The following CACHD1 variants were observed in gnomAD, a reference collection of about 807,000 sequenced individuals.
CACHD1 encodes cache domain containing 1.
CACHD1 carries 71 observed loss-of-function variants against 138.7 expected under a neutral mutation model. The ratio of observed to expected loss-of-function variants is 0.51; its 90% CI spans 0.42 to 0.62. The LOEUF (loss-of-function observed/expected upper bound fraction) is 0.62. Among genes scored for constraint, CACHD1 ranks in the 20% least tolerant of loss-of-function variants. The pLI is 0.00. For synonymous variants in CACHD1, 578 were observed against 591.5 expected (o/e 0.98, Z 0.33); for missense variants, 1,389 against 1,625.3 (o/e 0.85, Z 2.50).
Position 64,681,872 on chromosome 1 carries a change from TA to T in CACHD1, c.3485-127del, listed in dbSNP as rs1650202923. ...CAGCACCCCAATCCCCAGAATTGTT[TA>T]AAAAATGATTTATTCTGGCTTTCCA... On this transcript the variant is annotated intron_variant, in intron 25 of 26. Coordinates refer to ENST00000651257, the MANE Select transcript of CACHD1 (RefSeq NM_020925.4). 6.5e-6 allele frequency: 5 copies of T among 767,206 alleles called. No individual in the cohort carries two copies. The Admixed American group carries it at 1.2e-4, about 19-fold the overall frequency. The allele number at this position is 767,206 out of a possible 1,614,324, so 47.5% of individuals were successfully genotyped here.
At chr1:64,570,549 C>T (rs1245352157) in intron 2 of CACHD1, among the ~76,000 whole-genome samples, 2 of 152,158 alleles carry the variant, frequency 1.3e-5, no homozygotes, top group African/African-American at 4.8e-5. Flanking sequence ...TGCAGCCAAA[C>T]AGCCAATAGA....
intron 8 of CACHD1, among the ~76,000 whole-genome samples, chr1:64,643,558 C>T (rs1447131130): frequency 1.3e-5 from 2 of 152,146 alleles, no homozygotes; most frequent in African/African-American, 2.4e-5. Flanking sequence ...CCTCAAAGAC[C>T]GAGCTCGGTG....
At chr1:64,673,529 C>T in intron 19 of CACHD1, 65 bp downstream of exon 19, 1 of 1,243,528 alleles carries the variant, frequency 8.0e-7, no homozygotes, top group South Asian at 1.2e-5. Context: ...GAATTGGAAT[C>T]ATGGCTAGTG....
intron 1 of CACHD1, among the ~76,000 whole-genome samples, chr1:64,542,778 G>T (rs1370941427): frequency 6.6e-6 from 1 of 152,130 alleles, no homozygotes; most frequent in African/African-American, 2.4e-5. Context: ...GACAGGCTTT[G>T]TATTCAGACT....
At chr1:64,605,315 G>A (rs927417649) in intron 4 of CACHD1, among the ~76,000 whole-genome samples, 1 of 152,120 alleles carries the variant, frequency 6.6e-6, no homozygotes. Context: ...TTAAATATTA[G>A]TGTGTATTTA....
At chr1:64,652,788 C>G (rs1253052266) in intron 10 of CACHD1, among the ~76,000 whole-genome samples, 1 of 152,140 alleles carries the variant, frequency 6.6e-6, no homozygotes, top group Non-Finnish European at 1.5e-5. Flanking sequence ...CTTGAATACT[C>G]TTAGTGGGAA....
At chr1:64,550,537 C>G (rs1646750808) in intron 1 of CACHD1, 57 bp from the exon 2 acceptor site, 2 of 1,218,582 alleles carry the variant, frequency 1.6e-6, no homozygotes, top group Admixed American at 1.7e-5. Flanking sequence ...CACATACACA[C>G]TCATGTAGAA....
chr1:64,658,489 C>T (rs1649336913), intron 12 of CACHD1, among the ~76,000 whole-genome samples: 1 of 152,198 alleles, frequency 6.6e-6, no homozygotes, highest in African/African-American at 2.4e-5. Flanking sequence ...CTGTTACATA[C>T]TTCAGGTCTC....
At chr1:64,679,856 CTTTCAGCTT>C in intron 24 of CACHD1, 100 bp downstream of exon 24, 1 of 1,319,152 alleles carries the variant, frequency 7.6e-7, no homozygotes, top group Non-Finnish European at 1.0e-6. Flanking sequence ...CAGTGCTATA[CTTTCAGCTT>C]CTGTGGAGTC....
intron 8 of CACHD1, among the ~76,000 whole-genome samples, chr1:64,647,140 A>G (rs1282769728): frequency 1.8e-5 from 2 of 110,642 alleles, no homozygotes; most frequent in East Asian, 5.1e-4. Context: ...ACATCCCAGT[A>G]TGCCTAAATT....
chr1:64,605,606 C>T (rs1332713440), intron 4 of CACHD1, among the ~76,000 whole-genome samples: 3 of 152,086 alleles, frequency 2.0e-5, no homozygotes, highest in Admixed American at 6.6e-5. Context: ...GGCTGTGTGA[C>T]TGGGACAGTA....
At chr1:64,656,250 T>C (rs1649258123) in intron 12 of CACHD1, among the ~76,000 whole-genome samples, 2 of 152,314 alleles carry the variant, frequency 1.3e-5, no homozygotes, top group Admixed American at 1.3e-4. Flanking sequence ...ATTCTACTGG[T>C]AGTTTGTTGT....
At chr1:64,585,046 C>T in intron 3 of CACHD1, among the ~76,000 whole-genome samples, 1 of 152,120 alleles carries the variant, frequency 6.6e-6, no homozygotes, top group East Asian at 1.9e-4. Context: ...AAGAAAAATA[C>T]CGCAGTACCA....
At chr1:64,473,018 G>GCTGC (rs954597474) in intron 1 of CACHD1, among the ~76,000 whole-genome samples, 4 of 152,134 alleles carry the variant, frequency 2.6e-5, no homozygotes, top group Admixed American at 2.0e-4. Flanking sequence ...GTTTTAAAAG[G>GCTGC]CTGCCCTGTT....
chr1:64,554,477 G>A (rs1646781943), intron 2 of CACHD1, among the ~76,000 whole-genome samples: 1 of 152,134 alleles, frequency 6.6e-6, no homozygotes, highest in African/African-American at 2.4e-5. Context: ...TTCCACAGTG[G>A]CTGTCATGGG....
intron 1 of CACHD1, among the ~76,000 whole-genome samples, chr1:64,528,141 C>G (rs187335042): frequency 1.3e-5 from 2 of 152,254 alleles, no homozygotes; most frequent in Admixed American, 1.3e-4. Context: ...CTTGCATGGT[C>G]TAATTATGGA....
intron 1 of CACHD1, among the ~76,000 whole-genome samples, chr1:64,481,542 G>T (rs528446193): frequency 5.3e-5 from 8 of 152,166 alleles, no homozygotes; most frequent in African/African-American, 1.9e-4. Flanking sequence ...GATAAAAGTC[G>T]CCAAGTATGG....
At chr1:64,515,885 T>G (rs915119868) in intron 1 of CACHD1, among the ~76,000 whole-genome samples, 13 of 152,182 alleles carry the variant, frequency 8.5e-5, no homozygotes, top group African/African-American at 2.9e-4. Flanking sequence ...TTGACTTGAC[T>G]CCTTCTTTTG....
rs183370296 is a variant in CACHD1, at chr1:64,633,868, C to G, written c.790-176C>G. Among the ~76,000 whole-genome samples, 50 of 152,256 alleles carry G rather than the reference C, an allele frequency of 3.3e-4. No individual in the cohort carries two copies. The East Asian group carries it at 9.3e-3, about 28-fold the overall frequency. On this transcript the variant is annotated intron_variant, in intron 6 of 26. Transcript: ENST00000651257. ...TAGGGGTTTCCCCACTTTACCAATC[C>G]TTATGGATCCTTTTCAAATTTGATA...
Sources: allele counts gnomAD v4.1 joint callset (sites outside exome capture counted in the v4.1 genomes callset), GRCh38; gene constraint gnomAD v4.1.1; transcripts MANE v1.5; gene names NCBI Gene and HGNC (gene_info 2026-07-23, HGNC 2026-07-21).